The following ACSL3 variants were observed in gnomAD, a reference collection of about 807,000 sequenced individuals.
The protein encoded by ACSL3 is fatty acid CoA ligase Acsl3.
Under a neutral mutation model 84.7 loss-of-function variants are expected in ACSL3, and 34 were observed. The observed-to-expected ratio is 0.40, with a 90% CI of 0.31 to 0.53. The LOEUF (loss-of-function observed/expected upper bound fraction) is 0.53, where lower values mean the gene tolerates loss of function less well. Ranked by LOEUF, ACSL3 falls within the 20% of genes least tolerant of loss-of-function variation. ACSL3 has a pLI of 0.48. For missense variants in ACSL3, 680 were observed against 873.1 expected (o/e 0.78, Z 2.79); for synonymous variants, 315 against 299.4 (o/e 1.05, Z -0.54).
In ACSL3 at chr2:222,904,591, T is replaced by C. The variant is rs1230398847; in HGVS notation, c.-41+3811T>C. 8 of 152,978 alleles carry C rather than the reference T, an allele frequency of 5.2e-5. No homozygotes were observed. In the Admixed American group the frequency reaches 5.2e-4, roughly 10 times the overall value. 9.5% of individuals were successfully genotyped at this position (152,978 alleles called of 1,614,324 possible). On this transcript the variant is annotated intron_variant, in intron 3 of 16. Coordinates refer to ENST00000357430, the MANE Select transcript of ACSL3 (RefSeq NM_004457.5). ...AAGCATCAAAACTTTTCAGAACTAT[T>C]TCCTCTGTGAAAATTCATTTTAAGT...
chr2:222,873,608 T>C (rs1340495688), intron 1 of ACSL3, among the ~76,000 whole-genome samples: 1 of 152,262 alleles, frequency 6.6e-6, no homozygotes, highest in Non-Finnish European at 1.5e-5. Context: ...TCGGTCCTGA[T>C]ACCTGTTTGT....
In ACSL3 at chr2:222,887,765, CATTCGGCTCTG is replaced by C. The variant is rs566983234; in HGVS notation, c.-206-61_-206-51del. The C allele has an allele frequency of 2.3e-4, 35 of 152,284 alleles. No homozygotes were observed. In the East Asian group the frequency reaches 6.4e-3, roughly 28 times the overall value. The allele number at this position is 152,284 out of a possible 1,614,324, so 9.4% of individuals were successfully genotyped here. A position where few individuals can be genotyped will look rare whatever the true frequency, so the allele number is the denominator to read the frequency against. ...TAAAATAGTTCCAGGAAAAAGTTGG[CATTCGGCTCTG>C]ATTAACTAGAATATGAGTAGTAATG... On this transcript the variant is annotated intron_variant, in intron 1 of 16. Transcript: ENST00000357430.
intron 2 of ACSL3, among the ~76,000 whole-genome samples, chr2:222,893,169 C>G (rs1359878594): frequency 6.6e-6 from 1 of 152,100 alleles, no homozygotes; most frequent in East Asian, 1.9e-4. Context: ...TCAAGATGCA[C>G]CGTCTGCAGT....
chr2:222,904,347 G>A (rs1434097976), intron 3 of ACSL3, among the ~76,000 whole-genome samples: 3 of 152,110 alleles, frequency 2.0e-5, no homozygotes, highest in Admixed American at 1.3e-4. Context: ...TATGGTCTTA[G>A]TCTCCATTTC....
At chr2:222,934,824 A>G (rs1438310290) in intron 16 of ACSL3, 137 bp downstream of exon 16, 2 of 848,226 alleles carry the variant, frequency 2.4e-6, no homozygotes, top group African/African-American at 3.6e-5. Context: ...GGAAGAGTAA[A>G]CTTATCAGTC....
chr2:222,883,082 T>A (rs1695631531), intron 1 of ACSL3, among the ~76,000 whole-genome samples: 1 of 151,904 alleles, frequency 6.6e-6, no homozygotes, highest in Non-Finnish European at 1.5e-5. Flanking sequence ...TCACACTTTT[T>A]AATAGTACCT....
chr2:222,874,225 A>C (rs1005879940), intron 1 of ACSL3, among the ~76,000 whole-genome samples: 1 of 152,014 alleles, frequency 6.6e-6, no homozygotes, highest in East Asian at 1.9e-4. Flanking sequence ...AGGCTTCACT[A>C]TGTTGGCCAG....
intron 16 of ACSL3, among the ~76,000 whole-genome samples, chr2:222,935,886 T>TG (rs1697157176): frequency 6.6e-6 from 1 of 152,160 alleles, no homozygotes; most frequent in African/African-American, 2.4e-5. Flanking sequence ...TATTTCATCT[T>TG]GCAAAACGGA....
intron 12 of ACSL3, 151 bp downstream of exon 12, chr2:222,927,340 A>G: frequency 5.3e-6 from 4 of 760,342 alleles, no homozygotes; most frequent in Middle Eastern, 4.1e-4. Context: ...ATTGATATCA[A>G]TTTTTAGAAT....
intron 5 of ACSL3, among the ~76,000 whole-genome samples, chr2:222,917,210 C>T (rs574683200): frequency 6.6e-6 from 1 of 152,262 alleles, no homozygotes; most frequent in South Asian, 2.1e-4. Context: ...CTGCCTTAGC[C>T]TCTCGAGTAG....
chr2:222,932,702 C>T (rs1345095852), intron 14 of ACSL3, among the ~76,000 whole-genome samples: 1 of 4,754 alleles, frequency 2.1e-4, no homozygotes, highest in Non-Finnish European at 2.9e-4. Flanking sequence ...GAGGCCGAGG[C>T]GGGTGGATCA....
chr2:222,898,547 T>A (rs1473769835), intron 2 of ACSL3, among the ~76,000 whole-genome samples: 1 of 152,216 alleles, frequency 6.6e-6, no homozygotes, highest in Non-Finnish European at 1.5e-5. Context: ...CTGATATGAT[T>A]GGTCCATGGG....
chr2:222,870,616 G>C (rs1012281070), intron 1 of ACSL3, among the ~76,000 whole-genome samples: 1 of 152,232 alleles, frequency 6.6e-6, no homozygotes, highest in Non-Finnish European at 1.5e-5. Context: ...GATGCTAAGA[G>C]ATAACTAGGC....
chr2:222,888,630 A>G (rs561821094), intron 2 of ACSL3, among the ~76,000 whole-genome samples: 1 of 152,342 alleles, frequency 6.6e-6, no homozygotes, highest in African/African-American at 2.4e-5. Context: ...CTGATTTTAA[A>G]AGGAAATCAC....
intron 3 of ACSL3, among the ~76,000 whole-genome samples, chr2:222,908,204 T>G (rs1696346897): frequency 6.6e-6 from 1 of 152,214 alleles, no homozygotes; most frequent in Non-Finnish European, 1.5e-5. Context: ...TAACCTAACT[T>G]GAAAACTATC....
intron 3 of ACSL3, among the ~76,000 whole-genome samples, chr2:222,904,292 A>C (rs56372673): frequency 1.9e-5 from 2 of 104,014 alleles, no homozygotes; most frequent in African/African-American, 4.4e-5. Context: ...ACAAAACAAA[A>C]CAAAAAACAA....
chr2:222,905,639 A>T (rs993198011), intron 3 of ACSL3, among the ~76,000 whole-genome samples: 1 of 152,136 alleles, frequency 6.6e-6, no homozygotes, highest in Non-Finnish European at 1.5e-5. Flanking sequence ...AGAAAGCTTT[A>T]ATGTCTCCCC....
In ACSL3 at chr2:222,917,753, A is replaced by G. The variant is rs558725383; in HGVS notation, c.557-293A>G. ...GAATTTGAAGTCTTAGAAATCAGTT[A>G]TAATTCCTTCACAATGTGGTAGTCC... On this transcript the variant is annotated intron_variant, in intron 5 of 16. Transcript: ENST00000357430. The G allele has an allele frequency of 7.1e-5, 14 of 196,224 alleles. No individual in the cohort carries two copies. In the East Asian group the frequency reaches 1.4e-3, roughly 20 times the overall value. The allele number at this position is 196,224 out of a possible 1,614,324, so 12.2% of individuals were successfully genotyped here.
Position 222,927,044 on chromosome 2 carries a change from G to C in ACSL3, c.1320G>C (p.Leu440Phe), listed in dbSNP as rs778525422. 5.0e-6 allele frequency: 8 copies of C among 1,613,342 alleles called. No homozygotes were observed. The Middle Eastern group carries it at 6.6e-4, about 133-fold the overall frequency. The change falls in exon 12 of 17, where the codon TTG (leucine) becomes TTC (phenylalanine). Residue 440 changes from leucine to phenylalanine, a missense_variant. Around this residue, in one of 2 missense-constraint regions of ACSL3, gnomAD observed 347 missense variants for 525.7 expected, o/e 0.66. Coordinates refer to ENST00000357430, the MANE Select transcript of ACSL3 (RefSeq NM_004457.5). ...DSFVFRKVRS[L>F]LGGNIRLLLC... ...TTGTTTTCCGGAAAGTTCGAAGCTT[G>C]CTAGGGGGAAATATTCGTCTCCTGT...
Sources: gnomAD v4.1 joint callset for allele counts (sites outside exome capture counted in the v4.1 genomes callset) on GRCh38, gnomAD v4.1.1 for gene constraint, gnomAD v4.1.1 regional missense constraint, MANE v1.5 for transcripts, NCBI Gene and HGNC (gene_info 2026-07-23, HGNC 2026-07-21) for gene names.